The following ZNF600 variants were observed in gnomAD, a reference collection of about 807,000 sequenced individuals.
ZNF600 encodes the protein zinc finger protein KR-ZNF1.
Under a neutral mutation model 7.3 loss-of-function variants are expected in ZNF600, and 4 were observed. The ratio of observed to expected loss-of-function variants is 0.55; its 90% CI spans 0.27 to 1.25. The LOEUF is 1.25. Among genes scored for constraint, ZNF600 ranks in the 50% most tolerant of loss-of-function variants. The pLI, the probability that ZNF600 is intolerant of heterozygous loss-of-function variation, is 0.12. For missense variants in ZNF600, 911 were observed against 922.1 expected (o/e 0.99, Z 0.16); for synonymous variants, 290 against 308.9 (o/e 0.94, Z 0.64).
At chr19:52,812,058 G>A in the ZNF600 span, among the ~76,000 whole-genome samples, 1 of 77,664 alleles carries the variant, frequency 1.3e-5, no homozygotes, top group South Asian at 4.8e-4. Context: ...TATCCAGGAG[G>A]TGAGGGGCGC....
chr19:52,775,192 A>T (rs554846045), intron 2 of ZNF600, among the ~76,000 whole-genome samples: 10 of 152,244 alleles, frequency 6.6e-5, no homozygotes, highest in East Asian at 3.9e-4. Flanking sequence ...GTGAGCCAAG[A>T]TCGCACCACT....
At chr19:52,811,047 G>A in the ZNF600 span, among the ~76,000 whole-genome samples, 7 of 149,022 alleles carry the variant, frequency 4.7e-5, no homozygotes, top group South Asian at 6.4e-4. Flanking sequence ...GCGCCGCCAC[G>A]CCTGACTGGT....
At chr19:52,774,185 A>G (rs959749463) in intron 3 of ZNF600, among the ~76,000 whole-genome samples, 1 of 151,780 alleles carries the variant, frequency 6.6e-6, no homozygotes. Flanking sequence ...ATCCCAGCAC[A>G]TTGGGAGGCC....
chr19:52,802,700 A>G, the ZNF600 span, among the ~76,000 whole-genome samples: 1 of 151,862 alleles, frequency 6.6e-6, no homozygotes, highest in Admixed American at 6.6e-5. Context: ...TGTTAATACC[A>G]TATTTTTCCA....
chr19:52,812,547 T>C, the ZNF600 span, among the ~76,000 whole-genome samples: 1 of 125,288 alleles, frequency 8.0e-6, no homozygotes, highest in Admixed American at 8.0e-5. Context: ...TGTGCTTTGT[T>C]AAACAGATGC....
rs773193867 is a variant in ZNF600 at position 52,767,099 on chromosome 19, C to T, written c.864G>A (p.Lys288=). Residue 288 remains lysine (K), a synonymous_variant, in exon 4 of 4, where the codon AAG becomes AAA. Transcript: ENST00000648973. ...TGAAGGACTTTCCACACTCATTACA[C>T]TTGTAAGGTTTCTCTCCAGTGTGAC... The T allele has an allele frequency of 5.0e-6, 8 of 1,613,672 alleles. No homozygotes were observed. In the South Asian group the frequency reaches 7.7e-5, roughly 16 times the overall value.
intron 1 of ZNF600, among the ~76,000 whole-genome samples, chr19:52,784,005 G>A (rs2062744664): frequency 6.6e-6 from 1 of 152,028 alleles, no homozygotes; most frequent in Non-Finnish European, 1.5e-5. Flanking sequence ...AACCCTAAAG[G>A]CAGAGATAGT....
At chr19:52,793,065 CAATTAATGCTCG>C in the ZNF600 span, among the ~76,000 whole-genome samples, 3 of 150,988 alleles carry the variant, frequency 2.0e-5, no homozygotes, top group South Asian at 6.3e-4. Context: ...ACTTTAACGT[CAATTAATGCTCG>C]AACTCAATGT....
At chr19:52,790,807 C>T (rs1166179542), upstream of ZNF600, among the ~76,000 whole-genome samples, 1 of 151,304 alleles carries the variant, frequency 6.6e-6, no homozygotes, top group East Asian at 2.0e-4. Flanking sequence ...CTGCCTCAGC[C>T]TCCTGAGTAG....
the ZNF600 span, among the ~76,000 whole-genome samples, chr19:52,792,367 C>T: frequency 6.6e-6 from 1 of 152,138 alleles, no homozygotes; most frequent in Non-Finnish European, 1.5e-5. Context: ...TATTCAAAGT[C>T]ACCCCTCTGC....
chr19:52,832,925 C>T, the ZNF600 span, among the ~76,000 whole-genome samples: 4 of 152,024 alleles, frequency 2.6e-5, no homozygotes, highest in African/African-American at 7.2e-5. Context: ...GCATGAGCCA[C>T]GACTTCCAGC....
intron 3 of ZNF600, among the ~76,000 whole-genome samples, chr19:52,772,891 C>T (rs1401285443): frequency 6.6e-6 from 1 of 152,198 alleles, no homozygotes; most frequent in Non-Finnish European, 1.5e-5. Context: ...AAGCGCTGAG[C>T]TGCGCTGCTG....
At chr19:52,767,195 G>C (rs761298340) in exon 4 of ZNF600, 1 of 1,614,122 alleles carries the variant, frequency 6.2e-7, no homozygotes, top group Non-Finnish European at 8.5e-7. Flanking sequence ...TATATTGTTT[G>C]TCTCCTAAAT....
At chr19:52,778,000 G>A (rs931236358) in intron 2 of ZNF600, among the ~76,000 whole-genome samples, 4 of 151,498 alleles carry the variant, frequency 2.6e-5, no homozygotes, top group African/African-American at 4.9e-5. Flanking sequence ...GCCACAGAGC[G>A]ACACCTTCTC....
the ZNF600 span, chr19:52,810,114 G>T: frequency 7.4e-6 from 6 of 812,602 alleles, no homozygotes; most frequent in African/African-American, 5.0e-5. Context: ...AGAGGAGGGG[G>T]AGGAGCCGGG....
At chr19:52,810,131 C>T in the ZNF600 span, 2 of 863,872 alleles carry the variant, frequency 2.3e-6, no homozygotes, top group South Asian at 1.3e-5. Context: ...CGGGACTGGT[C>T]GAGGGTGACC....
At chr19:52,775,224 AC>A (rs1185283195) in intron 2 of ZNF600, among the ~76,000 whole-genome samples, 1 of 149,908 alleles carries the variant, frequency 6.7e-6, no homozygotes, top group Non-Finnish European at 1.5e-5. Flanking sequence ...TGGGCAACAG[AC>A]TGACACTCCA....
chr19:52,798,742 G>T, the ZNF600 span: 1 of 549,822 alleles, frequency 1.8e-6, no homozygotes, highest in Non-Finnish European at 3.3e-6. Flanking sequence ...AACGATATCT[G>T]AAAAATCTGT....
chr19:52,811,491 G>C, the ZNF600 span, among the ~76,000 whole-genome samples: 1 of 148,664 alleles, frequency 6.7e-6, no homozygotes, highest in African/African-American at 2.5e-5. Flanking sequence ...AGTGAGGAGC[G>C]TCTCTGCCCG....
Sources: gnomAD v4.1 joint callset for allele counts (sites outside exome capture counted in the v4.1 genomes callset) on GRCh38, gnomAD v4.1.1 for gene constraint, MANE v1.5 for transcripts, NCBI Gene and HGNC (gene_info 2026-07-23, HGNC 2026-07-21) for gene names.